SHROOM4: variants seen among roughly 807,000 people sequenced by gnomAD.
The protein encoded by SHROOM4 is shroom family member 4, also known as protein Shroom4.
A neutral mutation model predicts 80.3 loss-of-function variants in SHROOM4; 17 were observed. That is an observed-to-expected ratio of 0.21 (90% confidence interval 0.14 to 0.32). The LOEUF (loss-of-function observed/expected upper bound fraction) is 0.32, where lower values mean the gene tolerates loss of function less well. Among genes scored for constraint, SHROOM4 ranks in the 10% least tolerant of loss-of-function variants. SHROOM4 has a pLI of 1.00. For synonymous variants in SHROOM4, 400 were observed against 437.5 expected, an observed-to-expected ratio of 0.91 and a Z score of 1.07; for missense variants, 993 against 1,140.3, an observed-to-expected ratio of 0.87 and a Z score of 1.86.
At chrX:50,801,291 A>AG (rs782711842) in intron 1 of SHROOM4, among the ~76,000 whole-genome samples, 3 of 103,556 alleles carry the variant, frequency 2.9e-5, no homozygotes, top group East Asian at 3.1e-4. Flanking sequence ...AGAGAGAGAG[A>AG]ACACGTACTG....
intron 1 of SHROOM4, among the ~76,000 whole-genome samples, chrX:50,767,358 A>C (rs1490499840): frequency 1.8e-5 from 2 of 111,742 alleles, no homozygotes; most frequent in Non-Finnish European, 3.8e-5. Flanking sequence ...CCTATTCCAC[A>C]TTGCCAGGTC....
chrX:50,794,902 GTATATA>G (rs60153784), intron 1 of SHROOM4, among the ~76,000 whole-genome samples: 137 of 92,637 alleles, frequency 1.5e-3, no homozygotes, highest in African/African-American at 5.3e-3. Flanking sequence ...GTATAAATGT[GTATATA>G]TATATATATA....
At chrX:50,751,866 G>T (rs782340450) in intron 1 of SHROOM4, among the ~76,000 whole-genome samples, 2 of 111,916 alleles carry the variant, frequency 1.8e-5, no homozygotes, top group Non-Finnish European at 3.8e-5. Flanking sequence ...TCCCGAGCTA[G>T]CTATGTAAGT....
At chrX:50,647,295 A>C (rs1431736903) in intron 2 of SHROOM4, among the ~76,000 whole-genome samples, 2 of 111,917 alleles carry the variant, frequency 1.8e-5, no homozygotes, top group African/African-American at 6.5e-5. Context: ...CGAAGCTTCT[A>C]GGAGCAAGGG....
At chrX:50,770,467 A>C (rs782243700) in intron 1 of SHROOM4, among the ~76,000 whole-genome samples, 16 of 112,179 alleles carry the variant, frequency 1.4e-4, no homozygotes, top group Non-Finnish European at 2.6e-4. Flanking sequence ...GTCAGCAGTG[A>C]CAACTGGTTT....
intron 1 of SHROOM4, among the ~76,000 whole-genome samples, chrX:50,806,033 G>GA (rs1416496044): frequency 9.9e-6 from 1 of 100,528 alleles, no homozygotes; most frequent in Non-Finnish European, 2.0e-5. Context: ...GACCAAAAAA[G>GA]AAAAAAAAGT....
chrX:50,780,910 C>T (rs1935613314), intron 1 of SHROOM4, among the ~76,000 whole-genome samples: 1 of 111,014 alleles, frequency 9.0e-6, no homozygotes, highest in African/African-American at 3.3e-5. Context: ...TAAAAAGTTC[C>T]ATCATATGCC....
At chrX:50,710,471 C>A (rs1260765922) in intron 1 of SHROOM4, among the ~76,000 whole-genome samples, 1 of 110,839 alleles carries the variant, frequency 9.0e-6, no homozygotes, top group African/African-American at 3.3e-5. Flanking sequence ...AATAGGTACT[C>A]ATGGACATAA....
At chrX:50,605,314 C>T (rs1202282260) in intron 6 of SHROOM4, among the ~76,000 whole-genome samples, 1 of 111,963 alleles carries the variant, frequency 8.9e-6, no homozygotes, top group Non-Finnish European at 1.9e-5. Context: ...GTGCTTAGAA[C>T]AATGCAGGGC....
In SHROOM4 at chrX:50,590,620, G is replaced by A. The variant is rs565440561; in HGVS notation, c.*6075C>T. Among the ~76,000 whole-genome samples, 1 of 111,725 alleles carries A rather than the reference G, an allele frequency of 9.0e-6. No individual in the cohort carries two copies. The highest frequency in any genetic ancestry group is 2.8e-4 in the East Asian group (1 of 3,544). ...TAGCCATCTGCAAACCATAAAGTGG[G>A]CCCTCACAAGGCATTGAATCTGCTG... On this transcript the variant is annotated 3_prime_UTR_variant, in exon 9 of 9. Transcript: ENST00000376020.
At chrX:50,813,160 T>TGGCGGCGGCGGCAGTGGC (rs1557273615) in intron 1 of SHROOM4, among the ~76,000 whole-genome samples, 3 of 101,999 alleles carry the variant, frequency 2.9e-5, no homozygotes, top group Admixed American at 1.1e-4. Context: ...GCGGCGGCAG[T>TGGCGGCGGCGGCAGTGGC]GGCGGCGGCG....
At chrX:50,658,918 G>C (rs1331460353) in intron 2 of SHROOM4, among the ~76,000 whole-genome samples, 1 of 111,258 alleles carries the variant, frequency 9.0e-6, no homozygotes, top group Non-Finnish European at 1.9e-5. Flanking sequence ...TTGATGCTGG[G>C]GACATTTCTT....
chrX:50,629,124 T>C (rs781866658), intron 4 of SHROOM4, among the ~76,000 whole-genome samples: 1 of 111,839 alleles, frequency 8.9e-6, no homozygotes, highest in Non-Finnish European at 1.9e-5. Context: ...CCTTCCCAGG[T>C]CCACAGTATC....
At chrX:50,648,533 GA>G (rs782068508) in intron 2 of SHROOM4, among the ~76,000 whole-genome samples, 4 of 112,077 alleles carry the variant, frequency 3.6e-5, no homozygotes, top group Non-Finnish European at 7.5e-5. Context: ...AAAATACCTA[GA>G]AAACCATTAA....
At chrX:50,635,761 A>T (rs1268042255) in intron 3 of SHROOM4, 93 bp from the exon 4 acceptor site, 5 of 809,106 alleles carry the variant, frequency 6.2e-6, no homozygotes, top group Non-Finnish European at 9.1e-6. Flanking sequence ...CCCATGCCAC[A>T]AAAGAGAGGA....
intron 1 of SHROOM4, among the ~76,000 whole-genome samples, chrX:50,792,787 T>C (rs960616474): frequency 3.7e-5 from 4 of 107,453 alleles, no homozygotes; most frequent in Admixed American, 1.0e-4. Context: ...CCTATTAGGA[T>C]GGCCATTTTT....
intron 2 of SHROOM4, chrX:50,687,283 T>TTTTTTTTTTTTTTA (rs1491228888): frequency 9.4e-6 from 1 of 106,507 alleles, no homozygotes; most frequent in African/African-American, 3.5e-5. Context: ...TTTTTTTTTT[T>TTTTTTTTTTTTTTA]AAAAACAGCT....
intron 1 of SHROOM4, among the ~76,000 whole-genome samples, chrX:50,743,129 G>A (rs1934701762): frequency 1.8e-5 from 2 of 108,718 alleles, no homozygotes; most frequent in African/African-American, 6.7e-5. Context: ...GTGTGTGTGT[G>A]TGTGTGCACT....
intron 1 of SHROOM4, among the ~76,000 whole-genome samples, chrX:50,729,485 C>T (rs1292278868): frequency 9.0e-6 from 1 of 110,890 alleles, no homozygotes; most frequent in Non-Finnish European, 1.9e-5. Context: ...AGAAACAGAG[C>T]GTCAGAGAAA....
Sources: allele counts gnomAD v4.1 joint callset (sites outside exome capture counted in the v4.1 genomes callset), GRCh38; gene constraint gnomAD v4.1.1; transcripts MANE v1.5; gene names NCBI Gene and HGNC (gene_info 2026-07-23, HGNC 2026-07-21).